GRID1: variants seen among roughly 807,000 people sequenced by gnomAD.
GRID1 encodes glutamate receptor ionotropic, delta-1.
In GRID1, 28 loss-of-function variants were observed where a neutral mutation model predicts 98.0. The observed-to-expected ratio is 0.29, with a 90% CI of 0.21 to 0.39. The LOEUF is 0.39. GRID1 is among the 10% of genes least tolerant of loss of function. The probability of loss-of-function intolerance (pLI) is 1.00; values close to 1 mark genes in which losing one functional copy is unlikely to be tolerated. For synonymous variants in GRID1, 553 were observed against 538.5 expected, an observed-to-expected ratio of 1.03 and a Z score of -0.37; for missense variants, 1,111 against 1,340.5, an observed-to-expected ratio of 0.83 and a Z score of 2.67.
At chr10:85,922,955 C>G (rs1841725697) in intron 4 of GRID1, among the ~76,000 whole-genome samples, 1 of 152,098 alleles carries the variant, frequency 6.6e-6, no homozygotes, top group African/African-American at 2.4e-5. Context: ...TTGCCCCAGC[C>G]TTGTCTCTGG....
At chr10:85,874,737 T>A (rs1843311248) in intron 5 of GRID1, among the ~76,000 whole-genome samples, 1 of 152,228 alleles carries the variant, frequency 6.6e-6, no homozygotes, top group South Asian at 2.1e-4. Context: ...TACATGAACG[T>A]TTCATGTGCA....
chr10:86,034,668 C>T (rs1402032787), intron 4 of GRID1, among the ~76,000 whole-genome samples: 2 of 151,682 alleles, frequency 1.3e-5, no homozygotes, highest in Admixed American at 1.3e-4. Flanking sequence ...CTAGGATGTC[C>T]CCTGTAATCA....
At chr10:85,697,752 C>G (rs1238403990) in intron 12 of GRID1, among the ~76,000 whole-genome samples, 1 of 152,156 alleles carries the variant, frequency 6.6e-6, no homozygotes, top group Non-Finnish European at 1.5e-5. Flanking sequence ...TGCAGCCAAT[C>G]ACTTCAGGCT....
intron 2 of GRID1, among the ~76,000 whole-genome samples, chr10:86,320,095 G>T (rs557779689): frequency 6.6e-6 from 1 of 152,230 alleles, no homozygotes; most frequent in Non-Finnish European, 1.5e-5. Context: ...CCGGCAGAGC[G>T]CGAAAACTCA....
chr10:85,734,740 C>T (rs1303769842), intron 8 of GRID1, among the ~76,000 whole-genome samples: 1 of 152,192 alleles, frequency 6.6e-6, no homozygotes, highest in East Asian at 1.9e-4. Context: ...ACTGTGTGAT[C>T]TTGCCCAAAT....
At chr10:85,682,525 G>A (rs1564558200) in intron 12 of GRID1, among the ~76,000 whole-genome samples, 1 of 152,204 alleles carries the variant, frequency 6.6e-6, no homozygotes, top group Non-Finnish European at 1.5e-5. Context: ...GCAATGTGAT[G>A]TCACTGAATT....
At chr10:86,257,964 C>G (rs966265624) in intron 2 of GRID1, among the ~76,000 whole-genome samples, 1 of 152,202 alleles carries the variant, frequency 6.6e-6, no homozygotes, top group African/African-American at 2.4e-5. Flanking sequence ...GAGCAAAACA[C>G]ATGCCCAGTC....
rs1024514766 is a variant in GRID1, at chr10:85,732,559, A to G, written c.1234-2945T>C. On this transcript the variant is annotated intron_variant, in intron 8 of 15. Coordinates refer to ENST00000327946, the MANE Select transcript of GRID1 (RefSeq NM_017551.3). ...AAGAAACAGTTGGGATGAAGCCCTG[A>G]ACATCATTCTCTGCTTCTGGCTCAC... 2.0e-5 allele frequency among the ~76,000 whole-genome samples: 3 copies of G among 152,134 alleles called. No individual in the cohort carries two copies. In the East Asian group the frequency reaches 5.8e-4, roughly 29 times the overall value.
At chr10:86,208,338 G>A (rs1343251577) in intron 2 of GRID1, among the ~76,000 whole-genome samples, 1 of 151,960 alleles carries the variant, frequency 6.6e-6, no homozygotes, top group African/African-American at 2.4e-5. Context: ...AGATGCCCTG[G>A]CCCCCTCCTA....
chr10:85,633,773 T>C (rs950837523), intron 13 of GRID1, among the ~76,000 whole-genome samples: 1 of 152,192 alleles, frequency 6.6e-6, no homozygotes, highest in East Asian at 1.9e-4. Flanking sequence ...GGTCACATTC[T>C]GACCAAAAAG....
At chr10:85,845,124 A>C (rs1041776459) in intron 8 of GRID1, among the ~76,000 whole-genome samples, 3 of 151,986 alleles carry the variant, frequency 2.0e-5, no homozygotes, top group Non-Finnish European at 4.4e-5. Context: ...TAAAAAAAAA[A>C]CAATTAGAAA....
intron 4 of GRID1, among the ~76,000 whole-genome samples, chr10:85,980,162 C>A (rs1388206261): frequency 2.0e-5 from 3 of 152,220 alleles, no homozygotes; most frequent in African/African-American, 7.2e-5. Context: ...CAATGAATTT[C>A]TCTTACCCGT....
At chr10:85,956,591 G>T (rs917910049) in intron 4 of GRID1, among the ~76,000 whole-genome samples, 3 of 152,058 alleles carry the variant, frequency 2.0e-5, no homozygotes, top group African/African-American at 7.3e-5. Flanking sequence ...CATGCATGTG[G>T]TCTGATTACT....
chr10:85,874,846 T>C (rs1216914311), intron 5 of GRID1, among the ~76,000 whole-genome samples: 1 of 135,860 alleles, frequency 7.4e-6, no homozygotes, highest in Non-Finnish European at 1.7e-5. Context: ...TATTTTGGGG[T>C]TATGTTATTT....
At chr10:86,128,663 G>A (rs746766565) in intron 4 of GRID1, among the ~76,000 whole-genome samples, 6 of 152,150 alleles carry the variant, frequency 3.9e-5, no homozygotes, top group African/African-American at 7.2e-5. Context: ...TAGGTCCACC[G>A]ACCTAGCAGC....
At chr10:85,966,541 C>T (rs186388000) in intron 4 of GRID1, among the ~76,000 whole-genome samples, 17 of 152,208 alleles carry the variant, frequency 1.1e-4, no homozygotes, top group Admixed American at 2.0e-4. Flanking sequence ...TGGCCAGATA[C>T]GGTGGCTCAC....
intron 8 of GRID1, among the ~76,000 whole-genome samples, chr10:85,825,572 TG>T (rs1245624932): frequency 9.2e-5 from 14 of 152,182 alleles, no homozygotes; most frequent in South Asian, 2.1e-4. Flanking sequence ...AACTTTTCAG[TG>T]TTAGTGTGGA....
At chr10:85,808,567 T>A (rs926397399) in intron 8 of GRID1, among the ~76,000 whole-genome samples, 2 of 152,150 alleles carry the variant, frequency 1.3e-5, no homozygotes, top group African/African-American at 2.4e-5. Flanking sequence ...AGTATAAACA[T>A]CTCGATGAAT....
At chr10:86,122,536 C>T (rs1245889967) in intron 4 of GRID1, among the ~76,000 whole-genome samples, 1 of 152,240 alleles carries the variant, frequency 6.6e-6, no homozygotes, top group African/African-American at 2.4e-5. Context: ...TCCTGCTCAG[C>T]CTCTCCCTGG....
Sources: gnomAD v4.1 joint callset for allele counts (sites outside exome capture counted in the v4.1 genomes callset) on GRCh38, gnomAD v4.1.1 for gene constraint, MANE v1.5 for transcripts, NCBI Gene and HGNC (gene_info 2026-07-23, HGNC 2026-07-21) for gene names.